The following MED13L variants were observed in gnomAD, a reference collection of about 807,000 sequenced individuals.
The protein encoded by MED13L is mediator complex subunit 13L, also known as mediator of RNA polymerase II transcription subunit 13-like.
In MED13L, 7 loss-of-function variants were observed where a neutral mutation model predicts 220.9. The observed-to-expected ratio is 0.03, with a 90% CI of 0.02 to 0.06. The LOEUF (loss-of-function observed/expected upper bound fraction) is 0.06, where lower values mean the gene tolerates loss of function less well. Ranked by LOEUF, MED13L falls within the 10% of genes least tolerant of loss-of-function variation. The pLI is 1.00. For synonymous variants in MED13L, 1,011 were observed against 1,015.2 expected, an observed-to-expected ratio of 1.00 and a Z score of 0.08; for missense variants, 1,965 against 2,760.5, an observed-to-expected ratio of 0.71 and a Z score of 6.46.
At chr12:116,005,367 G>A (rs1038718055) in intron 13 of MED13L, among the ~76,000 whole-genome samples, 3 of 152,170 alleles carry the variant, frequency 2.0e-5, no homozygotes, top group African/African-American at 7.2e-5. Flanking sequence ...ATGCTGCCTT[G>A]TAGTATTTAA....
intron 2 of MED13L, among the ~76,000 whole-genome samples, chr12:116,197,233 G>C (rs550927098): frequency 2.4e-4 from 37 of 152,244 alleles, no homozygotes; most frequent in Non-Finnish European, 4.4e-4. Context: ...CTGAAGGGCT[G>C]GTCTCCCTAA....
chr12:116,172,218 A>G (rs143892213), intron 2 of MED13L, among the ~76,000 whole-genome samples: 662 of 152,298 alleles, frequency 4.3e-3, no homozygotes, highest in Non-Finnish European at 7.5e-3. Flanking sequence ...CTTACTTCTA[A>G]TCAATGACTC....
At chr12:116,081,940 T>A (rs1251464661) in intron 4 of MED13L, among the ~76,000 whole-genome samples, 3 of 152,242 alleles carry the variant, frequency 2.0e-5, no homozygotes, top group African/African-American at 7.2e-5. Flanking sequence ...ATGTTTGGGA[T>A]GATCTATGAA....
intron 4 of MED13L, among the ~76,000 whole-genome samples, chr12:116,035,094 T>A (rs1254849751): frequency 1.8e-4 from 28 of 152,180 alleles, no homozygotes; most frequent in Admixed American, 1.8e-3. Context: ...CCAGACACTG[T>A]GCTAGATTTA....
intron 4 of MED13L, among the ~76,000 whole-genome samples, chr12:116,026,619 T>G (rs1880410351): frequency 6.6e-6 from 1 of 152,144 alleles, no homozygotes; most frequent in East Asian, 1.9e-4. Context: ...CTGCTGCTGC[T>G]CCTGGCTCAA....
chr12:116,033,602 AT>A (rs1437765883), intron 4 of MED13L, among the ~76,000 whole-genome samples: 1 of 152,180 alleles, frequency 6.6e-6, no homozygotes, highest in Non-Finnish European at 1.5e-5. Flanking sequence ...ATCAAAATAT[AT>A]TGTTTCAAAG....
intron 7 of MED13L, among the ~76,000 whole-genome samples, chr12:116,016,473 C>T (rs997960411): frequency 2.0e-5 from 3 of 152,140 alleles, no homozygotes; most frequent in Non-Finnish European, 4.4e-5. Context: ...AATTGCTTTT[C>T]AAACACCAAT....
intron 7 of MED13L, 85 bp downstream of exon 7, chr12:116,019,139 C>T: frequency 2.2e-6 from 3 of 1,356,410 alleles, no homozygotes; most frequent in South Asian, 1.4e-5. Flanking sequence ...ACAGGAATTT[C>T]TGTTTTCTCA....
chr12:116,021,740 G>C (rs917660263), intron 5 of MED13L, among the ~76,000 whole-genome samples: 2 of 152,038 alleles, frequency 1.3e-5, no homozygotes, highest in Non-Finnish European at 2.9e-5. Flanking sequence ...ACCAAAAAAA[G>C]ATTGTTTCCA....
chr12:116,266,215 A>G (rs1268833695), intron 1 of MED13L, among the ~76,000 whole-genome samples: 2 of 152,248 alleles, frequency 1.3e-5, no homozygotes, highest in Non-Finnish European at 2.9e-5. Context: ...ATTGGATCTC[A>G]GAAGTCCTCA....
At chr12:116,163,268 T>C (rs1228971923) in intron 2 of MED13L, among the ~76,000 whole-genome samples, 1 of 152,086 alleles carries the variant, frequency 6.6e-6, no homozygotes, top group Non-Finnish European at 1.5e-5. Context: ...CTATCATCCT[T>C]ATTAGTTAAA....
chr12:116,123,866 T>G (rs1253858815), intron 2 of MED13L, among the ~76,000 whole-genome samples: 1 of 152,086 alleles, frequency 6.6e-6, no homozygotes, highest in African/African-American at 2.4e-5. Flanking sequence ...CACGATTCAT[T>G]AGACACGCCT....
At position 116,271,216 on chromosome 12, in the gene MED13L, T is replaced by TGTGTGA. The variant is rs568594359; in HGVS notation, c.72+5838_72+5843dup. ...TATGAAACAAATACGTGTGTGTGTG[T>TGTGTGA]GTGTGAGTGTGTGCGCTAGAATACT... On this transcript the variant is annotated intron_variant, in intron 1 of 30. Coordinates refer to ENST00000281928, the MANE Select transcript of MED13L (RefSeq NM_015335.5). Among the ~76,000 whole-genome samples, 61 of 152,096 alleles carry TGTGTGA rather than the reference T, an allele frequency of 4.0e-4. No homozygotes were observed. In the South Asian group the frequency reaches 0.011, roughly 27 times the overall value.
chr12:116,080,382 T>C (rs1593020088), intron 4 of MED13L, among the ~76,000 whole-genome samples: 1 of 152,286 alleles, frequency 6.6e-6, no homozygotes, highest in African/African-American at 2.4e-5. Flanking sequence ...ATTCAAAAGT[T>C]TGAAATAAGG....
At chr12:116,202,527 C>G (rs2138315105) in intron 2 of MED13L, among the ~76,000 whole-genome samples, 1 of 152,172 alleles carries the variant, frequency 6.6e-6, no homozygotes, top group East Asian at 1.9e-4. Flanking sequence ...CAGTTAGAGG[C>G]AAGAGAGTAC....
intron 2 of MED13L, among the ~76,000 whole-genome samples, chr12:116,224,700 C>T (rs1868785615): frequency 6.6e-6 from 1 of 152,104 alleles, no homozygotes; most frequent in Admixed American, 6.5e-5. Context: ...GTTTTTGAGA[C>T]AGGGTCTCAA....
intron 2 of MED13L, among the ~76,000 whole-genome samples, chr12:116,234,756 TA>T (rs1168074501): frequency 6.6e-6 from 1 of 152,076 alleles, no homozygotes; most frequent in Non-Finnish European, 1.5e-5. Context: ...CTCCTGGGTT[TA>T]AGTGATCCTC....
At chr12:116,250,114 C>T (rs551747596) in intron 1 of MED13L, among the ~76,000 whole-genome samples, 41 of 146,218 alleles carry the variant, frequency 2.8e-4, no homozygotes, top group Admixed American at 1.9e-3. Flanking sequence ...TATTACAAGT[C>T]GGCAGAGGAA....
At chr12:116,130,933 C>CA (rs1876015857) in intron 2 of MED13L, among the ~76,000 whole-genome samples, 1 of 151,766 alleles carries the variant, frequency 6.6e-6, no homozygotes, top group South Asian at 2.1e-4. Flanking sequence ...ATCTTATGTT[C>CA]AAAGTGACAT....
Sources: allele counts gnomAD v4.1 joint callset (sites outside exome capture counted in the v4.1 genomes callset), GRCh38; gene constraint gnomAD v4.1.1; transcripts MANE v1.5; gene names NCBI Gene and HGNC (gene_info 2026-07-23, HGNC 2026-07-21).